USH2A: variants seen among roughly 807,000 people sequenced by gnomAD.
USH2A encodes usherin.
In USH2A, 443 loss-of-function variants were observed where a neutral mutation model predicts 538.9. The observed-to-expected ratio is 0.82, with a 90% CI of 0.76 to 0.89. The LOEUF (loss-of-function observed/expected upper bound fraction) is 0.89, where lower values mean the gene tolerates loss of function less well. USH2A is among the 40% of genes least tolerant of loss of function. USH2A has a pLI of 0.00. For missense variants in USH2A, 6,633 were observed against 6,324.8 expected, an observed-to-expected ratio of 1.05 and a Z score of -1.65; for synonymous variants, 2,413 against 2,273.5, an observed-to-expected ratio of 1.06 and a Z score of -1.75.
chr1:216,193,508 A>G lies in USH2A; in HGVS notation c.4251+3045T>C, dbSNP rs17026274. Reference sequence around the variant, plus strand: ...GGCAAACCTATTAGTAGTGGATTGTATAGTGTCTCCCAAAAATTCAGAATA... The same window carrying G: ...GGCAAACCTATTAGTAGTGGATTGTGTAGTGTCTCCCAAAAATTCAGAATA... On this transcript the variant is annotated intron_variant, in intron 19 of 71. Transcript: ENST00000307340. 2.3e-3 allele frequency among the ~76,000 whole-genome samples: 348 copies of G among 152,242 alleles called. 3 individuals are homozygous for G. Among genetic ancestry groups the G allele is most frequent in the African/African-American group, 7.9e-3 (328 of 41,554 alleles).
At chr1:215,996,560 GT>G (rs753233925) in intron 34 of USH2A, among the ~76,000 whole-genome samples, 13 of 51,718 alleles carry the variant, frequency 2.5e-4, no homozygotes, top group African/African-American at 1.0e-3. Flanking sequence ...AACATATTAT[GT>G]TTTTTTTTTT....
chr1:216,418,789 A>T, intron 2 of USH2A, 110 bp from the exon 3 acceptor site: 3 of 1,099,040 alleles, frequency 2.7e-6, no homozygotes, highest in Non-Finnish European at 2.8e-6. Context: ...TTTGCTCAAA[A>T]TGGTGTACTA....
intron 26 of USH2A, among the ~76,000 whole-genome samples, chr1:216,081,637 G>A (rs1286132520): frequency 6.6e-6 from 1 of 152,072 alleles, no homozygotes; most frequent in Admixed American, 6.6e-5. Context: ...TCTTGCCCAG[G>A]CTGGAGTGCA....
At chr1:215,804,962 T>G (rs1431101592) in intron 49 of USH2A, among the ~76,000 whole-genome samples, 2 of 152,054 alleles carry the variant, frequency 1.3e-5, no homozygotes, top group South Asian at 4.1e-4. Flanking sequence ...CCATAAAAAA[T>G]GATGAGTTCA....
intron 61 of USH2A, among the ~76,000 whole-genome samples, chr1:215,687,543 T>C (rs1032335462): frequency 1.3e-5 from 2 of 151,950 alleles, no homozygotes; most frequent in Admixed American, 1.3e-4. Context: ...TCAGTTACCA[T>C]AAAAACATTG....
intron 3 of USH2A, among the ~76,000 whole-genome samples, chr1:216,386,252 C>T (rs1345939195): frequency 4.6e-5 from 7 of 152,110 alleles, no homozygotes; most frequent in Admixed American, 6.5e-5. Context: ...AATCCCAGCA[C>T]TTTGGGAGGC....
At chr1:216,307,589 A>C (rs981230532) in intron 9 of USH2A, among the ~76,000 whole-genome samples, 1 of 152,180 alleles carries the variant, frequency 6.6e-6, no homozygotes, top group Non-Finnish European at 1.5e-5. Flanking sequence ...CCTCACCCCC[A>C]GATTCTGCTA....
intron 14 of USH2A, among the ~76,000 whole-genome samples, chr1:216,223,183 T>C (rs2035491993): frequency 6.6e-6 from 1 of 152,082 alleles, no homozygotes; most frequent in South Asian, 2.1e-4. Context: ...GATAATTTAT[T>C]CCACCAATAA....
At chr1:215,626,759 T>G (rs1402605164) in intron 71 of USH2A, among the ~76,000 whole-genome samples, 2 of 152,160 alleles carry the variant, frequency 1.3e-5, no homozygotes, top group Non-Finnish European at 2.9e-5. Context: ...CTGTGTAATC[T>G]CTCATTAAAT....
intron 2 of USH2A, 64 bp from the exon 3 acceptor site, chr1:216,418,743 T>C: frequency 6.3e-7 from 1 of 1,585,684 alleles, no homozygotes; most frequent in Non-Finnish European, 8.7e-7. Flanking sequence ...TGCTAAGGTA[T>C]TGTGCAGTTA....
chr1:215,962,757 C>G (rs192740323), intron 37 of USH2A, among the ~76,000 whole-genome samples: 1 of 147,128 alleles, frequency 6.8e-6, no homozygotes, highest in Non-Finnish European at 1.5e-5. Context: ...AGGCTTGGTA[C>G]TTTACTTCCT....
chr1:216,383,866 C>CTTTTTTTTTTTT (rs57494312), intron 3 of USH2A, among the ~76,000 whole-genome samples: 1 of 134,926 alleles, frequency 7.4e-6, no homozygotes, highest in African/African-American at 2.9e-5. Flanking sequence ...TTCTTTCTTT[C>CTTTTTTTTTTTT]TTTTTTTTTT....
At chr1:216,217,286 A>T in intron 15 of USH2A, 101 bp downstream of exon 15, 1 of 1,470,844 alleles carries the variant, frequency 6.8e-7, no homozygotes, top group South Asian at 1.2e-5. Context: ...ACATTGTACT[A>T]AGCCTTTCTG....
intron 10 of USH2A, among the ~76,000 whole-genome samples, chr1:216,290,501 C>T (rs1192434575): frequency 6.6e-6 from 1 of 152,192 alleles, no homozygotes; most frequent in Non-Finnish European, 1.5e-5. Context: ...ATACACAATA[C>T]CCATTGCATC....
intron 67 of USH2A, among the ~76,000 whole-genome samples, chr1:215,646,298 G>T (rs749770818): frequency 6.6e-6 from 1 of 151,854 alleles, no homozygotes; most frequent in Non-Finnish European, 1.5e-5. Context: ...TTTCAGCAAA[G>T]GATTCCATAT....
chr1:215,769,723 G>A (rs1371011804), intron 55 of USH2A, among the ~76,000 whole-genome samples: 1 of 152,156 alleles, frequency 6.6e-6, no homozygotes, highest in Non-Finnish European at 1.5e-5. Context: ...CTAGAATCAA[G>A]GAGGAATGGC....
chr1:216,286,702 T>A (rs1255172331), intron 11 of USH2A, among the ~76,000 whole-genome samples: 4 of 151,960 alleles, frequency 2.6e-5, no homozygotes, highest in Non-Finnish European at 5.9e-5. Flanking sequence ...CCAGCCTGGG[T>A]GACAGAGCGA....
At chr1:215,858,472 T>C (rs1664229292) in intron 44 of USH2A, among the ~76,000 whole-genome samples, 1 of 150,100 alleles carries the variant, frequency 6.7e-6, no homozygotes, top group Admixed American at 6.6e-5. Context: ...CAGTTCCTCC[T>C]ATGTGTGCAT....
intron 21 of USH2A, among the ~76,000 whole-genome samples, chr1:216,153,636 T>C (rs1026952844): frequency 2.0e-5 from 3 of 152,234 alleles, no homozygotes; most frequent in African/African-American, 7.2e-5. Context: ...ATTTCATATA[T>C]GCAGTTTACA....
Sources: gnomAD v4.1 joint callset for allele counts (sites outside exome capture counted in the v4.1 genomes callset) on GRCh38, gnomAD v4.1.1 for gene constraint, MANE v1.5 for transcripts, NCBI Gene and HGNC (gene_info 2026-07-23, HGNC 2026-07-21) for gene names.